SORCS3: variants seen among roughly 807,000 people sequenced by gnomAD.
The protein encoded by SORCS3 is VPS10 domain-containing receptor SorCS3.
Under a neutral mutation model 146.3 loss-of-function variants are expected in SORCS3, and 57 were observed. That is an observed-to-expected ratio of 0.39 (90% CI 0.31 to 0.49). SORCS3 has a LOEUF of 0.49. Among genes scored for constraint, SORCS3 ranks in the 20% least tolerant of loss-of-function variants. SORCS3 has a pLI of 0.92. For missense variants in SORCS3, 1,341 were observed against 1,575.5 expected, an observed-to-expected ratio of 0.85 and a Z score of 2.52; for synonymous variants, 653 against 618.5, an observed-to-expected ratio of 1.06 and a Z score of -0.83.
chr10:104,918,542 G>T (rs1026655222), intron 3 of SORCS3, among the ~76,000 whole-genome samples: 1 of 152,186 alleles, frequency 6.6e-6, no homozygotes, highest in African/African-American at 2.4e-5. Context: ...AGCAGTGATG[G>T]TTTTCAGTTC....
At chr10:104,993,481 T>G (rs2055006399) in intron 4 of SORCS3, among the ~76,000 whole-genome samples, 1 of 152,222 alleles carries the variant, frequency 6.6e-6, no homozygotes, top group Non-Finnish European at 1.5e-5. Flanking sequence ...CTAGAAGCTT[T>G]CTAATAGGCA....
At chr10:104,727,686 C>A (rs1421972269) in intron 1 of SORCS3, among the ~76,000 whole-genome samples, 2 of 151,892 alleles carry the variant, frequency 1.3e-5, no homozygotes, top group Non-Finnish European at 2.9e-5. Context: ...GGCTGTAGAC[C>A]AGTATCAGTC....
intron 7 of SORCS3, among the ~76,000 whole-genome samples, chr10:105,133,639 T>C (rs2133773977): frequency 1.3e-5 from 2 of 152,272 alleles, no homozygotes; most frequent in Middle Eastern, 6.8e-3. Context: ...AAGAAGATAT[T>C]ATTTTCAAAA....
At chr10:104,758,388 T>C (rs2017082178) in intron 1 of SORCS3, among the ~76,000 whole-genome samples, 1 of 152,190 alleles carries the variant, frequency 6.6e-6, no homozygotes, top group Non-Finnish European at 1.5e-5. Flanking sequence ...GGCTATAATC[T>C]CACTCATTTA....
chr10:105,158,352 T>C (rs961081706), intron 10 of SORCS3, among the ~76,000 whole-genome samples: 12 of 152,210 alleles, frequency 7.9e-5, no homozygotes, highest in Non-Finnish European at 1.2e-4. Flanking sequence ...CAGACTTATA[T>C]AGGTTTTAGA....
chr10:105,072,659 CTTTTTTTT>C (rs545305956), intron 5 of SORCS3, among the ~76,000 whole-genome samples: 486 of 16,590 alleles, frequency 0.029, 3 homozygotes, highest in African/African-American at 0.076. Context: ...CTCTCTCTCT[CTTTTTTTT>C]TTTTTTTTTT....
At position 105,247,093 on chromosome 10, in the gene SORCS3, C is replaced by T. The variant is rs539664814; in HGVS notation, c.2993-126C>T. 4.7e-5 allele frequency: 22 copies of T among 466,994 alleles called. No individual in the cohort carries two copies. The East Asian group carries it at 7.3e-4, about 15-fold the overall frequency. 28.9% of individuals were successfully genotyped at this position (466,994 alleles called of 1,614,324 possible). ...GGAAACAAGCTGAGAACAAGGAATTCTAGCAGAAGCCTGGTGAAAGAGTAG... is the reference window on the plus strand; with the variant it reads ...GGAAACAAGCTGAGAACAAGGAATTTTAGCAGAAGCCTGGTGAAAGAGTAG... On this transcript the variant is annotated intron_variant, in intron 21 of 26. Coordinates refer to ENST00000369701, the MANE Select transcript of SORCS3 (RefSeq NM_014978.3).
At chr10:104,711,137 A>G (rs2016410630) in intron 1 of SORCS3, among the ~76,000 whole-genome samples, 1 of 152,200 alleles carries the variant, frequency 6.6e-6, no homozygotes, top group Non-Finnish European at 1.5e-5. Context: ...AGCACTTACA[A>G]TATACCAGGT....
At chr10:104,962,775 G>C (rs1000374463) in intron 3 of SORCS3, among the ~76,000 whole-genome samples, 3 of 152,030 alleles carry the variant, frequency 2.0e-5, no homozygotes, top group African/African-American at 4.8e-5. Flanking sequence ...GAAAATTTGG[G>C]GAAAATAGAA....
intron 4 of SORCS3, among the ~76,000 whole-genome samples, chr10:105,007,382 A>G (rs1055762247): frequency 6.6e-6 from 1 of 152,226 alleles, no homozygotes; most frequent in African/African-American, 2.4e-5. Flanking sequence ...GCTATATTCC[A>G]GGCAGTGCAC....
rs2054919857 is a variant in SORCS3, at chr10:104,979,335, T to A, written c.954+1842T>A. On this transcript the variant is annotated intron_variant, in intron 4 of 26. Transcript: ENST00000369701. ...AAAGACATTTTAGATGATTTCCTCT[T>A]TGTATTTCCTGACATCTCCAGAATC... Among the ~76,000 whole-genome samples the A allele has an allele frequency of 2.0e-5, 3 of 152,210 alleles. No homozygotes were observed. In the South Asian group the frequency reaches 6.2e-4, roughly 32 times the overall value.
At chr10:104,973,891 T>G (rs1370869005) in intron 3 of SORCS3, among the ~76,000 whole-genome samples, 3 of 151,772 alleles carry the variant, frequency 2.0e-5, no homozygotes, top group Admixed American at 6.6e-5. Context: ...TTCTGGTATG[T>G]TGTGTCTTTG....
chr10:105,260,157 G>A (rs1386217064), intron 25 of SORCS3, among the ~76,000 whole-genome samples: 3 of 152,256 alleles, frequency 2.0e-5, no homozygotes, highest in Admixed American at 6.5e-5. Flanking sequence ...GAAATAAAGC[G>A]AATAATCTCT....
chr10:105,033,507 G>T (rs2055284310), intron 4 of SORCS3, among the ~76,000 whole-genome samples: 1 of 152,192 alleles, frequency 6.6e-6, no homozygotes, highest in African/African-American at 2.4e-5. Context: ...CTCAGTGGCA[G>T]TTTCTATGGG....
chr10:105,220,580 T>A lies in SORCS3; in HGVS notation c.2735-2536T>A, dbSNP rs190120201. On this transcript the variant is annotated intron_variant, in intron 19 of 26. Transcript: ENST00000369701. ...CTTCATGCTTTCTGGAGGATAGCAG[T>A]GAGAAGAGAAGCAGTGACTTTGAAG... is the stretch of plus-strand genomic sequence containing the variant. Among the ~76,000 whole-genome samples the A allele has an allele frequency of 2.6e-3, 390 of 152,214 alleles. 4 individuals carry two copies. The highest frequency in any genetic ancestry group is 6.0e-4 in the Non-Finnish European group (41 of 68,004).
chr10:105,182,613 G>T (rs1368627829), intron 14 of SORCS3, among the ~76,000 whole-genome samples: 1 of 152,124 alleles, frequency 6.6e-6, no homozygotes, highest in Admixed American at 6.5e-5. Context: ...CAATCCATTT[G>T]AAGAAGTACG....
intron 1 of SORCS3, among the ~76,000 whole-genome samples, chr10:104,811,085 G>A (rs1684301151): frequency 6.6e-6 from 1 of 152,142 alleles, no homozygotes; most frequent in Non-Finnish European, 1.5e-5. Context: ...AGACATGCAC[G>A]TAATAATTAT....
intron 6 of SORCS3, among the ~76,000 whole-genome samples, chr10:105,097,285 G>C (rs1453678591): frequency 6.6e-6 from 1 of 152,222 alleles, no homozygotes; most frequent in Non-Finnish European, 1.5e-5. Flanking sequence ...GCCCTGGCAA[G>C]GTTTAAACAG....
chr10:104,714,014 AT>A (rs2016448913), intron 1 of SORCS3, among the ~76,000 whole-genome samples: 1 of 152,174 alleles, frequency 6.6e-6, no homozygotes, highest in South Asian at 2.1e-4. Context: ...GGTCCATTTT[AT>A]ATGAAGTATC....
Sources: allele counts gnomAD v4.1 joint callset (sites outside exome capture counted in the v4.1 genomes callset), GRCh38; gene constraint gnomAD v4.1.1; transcripts MANE v1.5; gene names NCBI Gene and HGNC (gene_info 2026-07-23, HGNC 2026-07-21).